The following FBXL7 variants were observed in gnomAD, a reference collection of about 807,000 sequenced individuals.
The protein encoded by FBXL7 is F-box and leucine rich repeat protein 7, also known as F-box/LRR-repeat protein 7.
In FBXL7, 12 loss-of-function variants were observed where a neutral mutation model predicts 38.3. That is an observed-to-expected ratio of 0.31 (90% CI 0.20 to 0.51). FBXL7 has a LOEUF of 0.51. FBXL7 is among the 20% of genes least tolerant of loss of function. The pLI is 0.98. For missense variants in FBXL7, 567 were observed against 676.4 expected (o/e 0.84, Z 1.79); for synonymous variants, 297 against 300.9 (o/e 0.99, Z 0.13).
chr5:15,617,473 T>G (rs140164441), intron 2 of FBXL7, among the ~76,000 whole-genome samples: 3 of 140,890 alleles, frequency 2.1e-5, no homozygotes, highest in African/African-American at 8.0e-5. Flanking sequence ...ATTTATTTAT[T>G]TGAGATGGAG....
intron 2 of FBXL7, among the ~76,000 whole-genome samples, chr5:15,747,558 G>A (rs1179583100): frequency 6.6e-6 from 1 of 152,190 alleles, no homozygotes; most frequent in Non-Finnish European, 1.5e-5. Context: ...ATTTTCAGCA[G>A]TAGCTATTAT....
intron 2 of FBXL7, among the ~76,000 whole-genome samples, chr5:15,683,247 TAATC>T (rs1050213971): frequency 1.6e-4 from 24 of 152,314 alleles, no homozygotes; most frequent in East Asian, 9.7e-4. Flanking sequence ...TATTTTTAAT[TAATC>T]AGCTAAAAAT....
chr5:15,897,090 G>A (rs1242778530), intron 2 of FBXL7, among the ~76,000 whole-genome samples: 2 of 152,172 alleles, frequency 1.3e-5, no homozygotes, highest in Non-Finnish European at 2.9e-5. Flanking sequence ...CTGAGATTGT[G>A]CCACTGCACT....
chr5:15,616,802 G>T (rs1423050695), intron 2 of FBXL7, among the ~76,000 whole-genome samples: 1 of 152,182 alleles, frequency 6.6e-6, no homozygotes, highest in African/African-American at 2.4e-5. Flanking sequence ...ATGATTAAAT[G>T]ACTTTCTGTC....
chr5:15,607,764 C>T (rs1740079655), intron 1 of FBXL7, among the ~76,000 whole-genome samples: 1 of 152,218 alleles, frequency 6.6e-6, no homozygotes, highest in Non-Finnish European at 1.5e-5. Context: ...TTCAGCGGCT[C>T]AGAATTGTAT....
chr5:15,782,684 G>A (rs1275790922), intron 2 of FBXL7, among the ~76,000 whole-genome samples: 4 of 152,058 alleles, frequency 2.6e-5, no homozygotes, highest in South Asian at 4.2e-4. Context: ...TATTGATAAC[G>A]CAGGAGTGAC....
intron 1 of FBXL7, among the ~76,000 whole-genome samples, chr5:15,537,833 A>C (rs1251598379): frequency 6.6e-6 from 1 of 152,228 alleles, no homozygotes; most frequent in Non-Finnish European, 1.5e-5. Context: ...AAATAGGTTC[A>C]CCTGGGTTTG....
intron 1 of FBXL7, among the ~76,000 whole-genome samples, chr5:15,567,588 T>TA (rs112342619): frequency 1.8e-3 from 278 of 151,570 alleles, no homozygotes; most frequent in African/African-American, 6.4e-3. Flanking sequence ...TTCTTCTTTT[T>TA]TTTATATATA....
chr5:15,768,672 G>A (rs1006436365), intron 2 of FBXL7, among the ~76,000 whole-genome samples: 1 of 152,162 alleles, frequency 6.6e-6, no homozygotes. Context: ...TTCTGGGATG[G>A]GGCTGGTCAT....
At chr5:15,604,104 T>C (rs968063019) in intron 1 of FBXL7, among the ~76,000 whole-genome samples, 1 of 151,826 alleles carries the variant, frequency 6.6e-6, no homozygotes, top group African/African-American at 2.4e-5. Flanking sequence ...AAGGTAGAGG[T>C]TGCAGTGAGG....
At chr5:15,539,846 T>A (rs1219015483) in intron 1 of FBXL7, among the ~76,000 whole-genome samples, 1 of 151,766 alleles carries the variant, frequency 6.6e-6, no homozygotes, top group African/African-American at 2.4e-5. Flanking sequence ...TTATAAACAA[T>A]TGTTTATAAG....
intron 2 of FBXL7, among the ~76,000 whole-genome samples, chr5:15,740,626 G>A (rs1397742940): frequency 6.6e-6 from 1 of 152,150 alleles, no homozygotes; most frequent in Non-Finnish European, 1.5e-5. Flanking sequence ...TATATTCAAT[G>A]AGAAATTATT....
intron 2 of FBXL7, among the ~76,000 whole-genome samples, chr5:15,749,641 G>A (rs907526984): frequency 6.6e-6 from 1 of 152,260 alleles, no homozygotes; most frequent in East Asian, 1.9e-4. Flanking sequence ...AAAAAAGAAA[G>A]TGTGTATCCT....
At chr5:15,547,487 C>A (rs1737946457) in intron 1 of FBXL7, among the ~76,000 whole-genome samples, 1 of 152,112 alleles carries the variant, frequency 6.6e-6, no homozygotes, top group Admixed American at 6.5e-5. Flanking sequence ...GACAGGACAC[C>A]CCCACACACA....
intron 2 of FBXL7, among the ~76,000 whole-genome samples, chr5:15,874,997 T>C (rs1398628980): frequency 6.6e-6 from 1 of 152,178 alleles, no homozygotes; most frequent in Non-Finnish European, 1.5e-5. Flanking sequence ...GGCATCACGC[T>C]ACCTGACTTC....
At chr5:15,659,107 C>T (rs775912121) in intron 2 of FBXL7, among the ~76,000 whole-genome samples, 2 of 152,042 alleles carry the variant, frequency 1.3e-5, no homozygotes, top group African/African-American at 2.4e-5. Flanking sequence ...TACACAGTCT[C>T]GGATATGTGT....
chr5:15,767,390 T>C (rs1256783763), intron 2 of FBXL7, among the ~76,000 whole-genome samples: 1 of 152,244 alleles, frequency 6.6e-6, no homozygotes, highest in African/African-American at 2.4e-5. Context: ...GGGCTCATAT[T>C]TGCTAATCTG....
chr5:15,507,697 A>T (rs1736683399), intron 1 of FBXL7, among the ~76,000 whole-genome samples: 1 of 152,338 alleles, frequency 6.6e-6, no homozygotes, highest in African/African-American at 2.4e-5. Flanking sequence ...AAGTTTAGAT[A>T]CTTATATACA....
chr5:15,871,043 A>T (rs937948878), intron 2 of FBXL7, among the ~76,000 whole-genome samples: 1 of 152,108 alleles, frequency 6.6e-6, no homozygotes, highest in Non-Finnish European at 1.5e-5. Context: ...GAGCTGACAA[A>T]CACCTCATAC....
Sources: gnomAD v4.1 joint callset for allele counts (sites outside exome capture counted in the v4.1 genomes callset) on GRCh38, gnomAD v4.1.1 for gene constraint, MANE v1.5 for transcripts, NCBI Gene and HGNC (gene_info 2026-07-23, HGNC 2026-07-21) for gene names.